The following VGLL4 variants were observed in gnomAD, a reference collection of about 807,000 sequenced individuals.
VGLL4 encodes vestigial like family member 4, also known as transcription cofactor vestigial-like protein 4.
VGLL4 carries 7 observed loss-of-function variants against 21.0 expected under a neutral mutation model. That is an observed-to-expected ratio of 0.33 (90% confidence interval 0.19 to 0.63). The LOEUF (loss-of-function observed/expected upper bound fraction) is 0.63, where lower values mean the gene tolerates loss of function less well. VGLL4 is among the 20% of genes least tolerant of loss of function. VGLL4 has a pLI of 0.78. For synonymous variants in VGLL4, 222 were observed against 173.2 expected, an observed-to-expected ratio of 1.28 and a Z score of -2.21; for missense variants, 394 against 425.7, an observed-to-expected ratio of 0.93 and a Z score of 0.66.
At chr3:11,659,847 G>C (rs556362038) in intron 2 of VGLL4, among the ~76,000 whole-genome samples, 1 of 152,012 alleles carries the variant, frequency 6.6e-6, no homozygotes, top group African/African-American at 2.4e-5. Flanking sequence ...CAAGAGTTCC[G>C]TAAACTGTAA....
intron 2 of VGLL4, among the ~76,000 whole-genome samples, chr3:11,584,490 T>C (rs753263472): frequency 6.0e-4 from 91 of 152,026 alleles, no homozygotes; most frequent in Non-Finnish European, 1.2e-3. Context: ...AACAGATCAG[T>C]AAACCATATA....
intron 2 of VGLL4, among the ~76,000 whole-genome samples, chr3:11,684,730 C>CTGTGTGTG (rs61220485): frequency 0.14 from 21,059 of 148,514 alleles, 1,701 homozygotes; most frequent in Non-Finnish European, 0.18. Flanking sequence ...CAACCTTTTT[C>CTGTGTGTG]TGTGTGTGTG....
At chr3:11,574,442 T>C (rs2073967793) in intron 2 of VGLL4, among the ~76,000 whole-genome samples, 1 of 152,066 alleles carries the variant, frequency 6.6e-6, no homozygotes. Flanking sequence ...GCAGGCCAAG[T>C]CAGCCCAGAC....
chr3:11,686,912 T>C (rs2076457671), intron 2 of VGLL4, among the ~76,000 whole-genome samples: 1 of 152,178 alleles, frequency 6.6e-6, no homozygotes, highest in Admixed American at 6.5e-5. Flanking sequence ...TAGAATAGGA[T>C]AGAAAACAGA....
chr3:11,721,306 ATATGCAAAGACAGGTATGCG>A (rs1465244205), upstream of VGLL4: 3 of 152,230 alleles, frequency 2.0e-5, no homozygotes, highest in Non-Finnish European at 4.4e-5. Flanking sequence ...CCCCTGTTGG[ATATGCAAAGACAGGTATGCG>A]TAGTTCCATG....
At chr3:11,665,274 T>G (rs917173916) in intron 2 of VGLL4, among the ~76,000 whole-genome samples, 1 of 151,496 alleles carries the variant, frequency 6.6e-6, no homozygotes, top group Non-Finnish European at 1.5e-5. Flanking sequence ...CCACCACGCC[T>G]GGCTAATTTT....
intron 1 of VGLL4, among the ~76,000 whole-genome samples, chr3:11,631,674 T>C (rs1009683991): frequency 1.3e-5 from 2 of 152,188 alleles, no homozygotes; most frequent in East Asian, 3.8e-4. Flanking sequence ...CTTGTATGTA[T>C]GAGAAACACT....
chr3:11,651,382 G>T (rs2075870671), intron 2 of VGLL4, among the ~76,000 whole-genome samples: 1 of 150,374 alleles, frequency 6.7e-6, no homozygotes, highest in South Asian at 2.1e-4. Flanking sequence ...AGGGTTTAAG[G>T]TAAAACCTAG....
chr3:11,639,356 G>A (rs1165165049), intron 1 of VGLL4, among the ~76,000 whole-genome samples: 2 of 152,256 alleles, frequency 1.3e-5, no homozygotes, highest in East Asian at 1.9e-4. Context: ...AGAGCAGCAC[G>A]AAGAGCACCT....
chr3:11,573,455 T>G (rs1156389262), intron 2 of VGLL4, among the ~76,000 whole-genome samples: 1 of 152,154 alleles, frequency 6.6e-6, no homozygotes, highest in East Asian at 1.9e-4. Context: ...GGACAGGGCT[T>G]CTGACATTCT....
At chr3:11,614,631 T>C (rs921920696) in intron 1 of VGLL4, among the ~76,000 whole-genome samples, 2 of 152,232 alleles carry the variant, frequency 1.3e-5, no homozygotes, top group African/African-American at 4.8e-5. Context: ...CGGAAATTCA[T>C]TAACTCACTG....
At chr3:11,561,683 T>A (rs1201608700) in intron 3 of VGLL4, among the ~76,000 whole-genome samples, 1 of 152,068 alleles carries the variant, frequency 6.6e-6, no homozygotes, top group African/African-American at 2.4e-5. Flanking sequence ...ACACCCTTAT[T>A]TTCCAGATGG....
chr3:11,647,162 C>T (rs370204094), upstream of VGLL4, among the ~76,000 whole-genome samples: 12 of 152,148 alleles, frequency 7.9e-5, no homozygotes, highest in East Asian at 7.7e-4. Context: ...AGGCTGGGAG[C>T]GCCTCCTGGA....
At position 11,557,031 on chromosome 3, in the gene VGLL4, CA is replaced by C. The variant is rs2072490257; in HGVS notation, c.*1524del. On this transcript the variant is annotated 3_prime_UTR_variant, in exon 5 of 5. Transcript: ENST00000430365. ...GGGGTCATACGGTGTGCAGAGTCCA[CA>C]AAGCCTTGCAGGTGAGGTGACCACG... The C allele has an allele frequency of 6.6e-6, 1 of 152,482 alleles. No homozygotes were observed. The highest frequency in any genetic ancestry group is 1.5e-5 in the Non-Finnish European group (1 of 68,052). The allele number at this position is 152,482 out of a possible 1,614,324, so 9.4% of individuals were successfully genotyped here. A position where few individuals can be genotyped will look rare whatever the true frequency, so the allele number is the denominator to read the frequency against.
At chr3:11,665,095 A>ATTTTTT (rs1559932541) in intron 2 of VGLL4, among the ~76,000 whole-genome samples, 2 of 78,422 alleles carry the variant, frequency 2.6e-5, no homozygotes, top group African/African-American at 9.9e-5. Flanking sequence ...CAATTTGAAT[A>ATTTTTT]TTTTTCTTTT....
At chr3:11,586,244 C>T (rs1682426876) in intron 2 of VGLL4, among the ~76,000 whole-genome samples, 1 of 152,182 alleles carries the variant, frequency 6.6e-6, no homozygotes, top group Non-Finnish European at 1.5e-5. Flanking sequence ...CAAATGTTAA[C>T]AACCGATGAA....
Position 11,643,912 on chromosome 3 carries a change from C to A in VGLL4, c.-394G>T, listed in dbSNP as rs1227048530. 4.9e-6 allele frequency: 5 copies of A among 1,013,712 alleles called. No individual in the cohort carries two copies. The highest frequency in any genetic ancestry group is 3.5e-5 in the African/African-American group (2 of 57,696). 62.8% of individuals were successfully genotyped at this position (1,013,712 alleles called of 1,614,324 possible). A position where few individuals can be genotyped will look rare whatever the true frequency, so the allele number is the denominator to read the frequency against. On this transcript the variant is annotated 5_prime_UTR_variant, in exon 1 of 5. Coordinates refer to ENST00000430365, the MANE Select transcript of VGLL4 (RefSeq NM_001128219.3). ...CAAGCCGGCAGCGCTGACATGAGGG[C>A]TATGCTTGGCATGACTCCTATGCCG...
rs566540377 is a variant in VGLL4 at position 11,578,659 on chromosome 3, A to G, written c.273-13640T>C. Among the ~76,000 whole-genome samples, 3 of 151,132 alleles carry G rather than the reference A, an allele frequency of 2.0e-5. No individual in the cohort carries two copies. The East Asian group carries it at 5.8e-4, about 29-fold the overall frequency. On this transcript the variant is annotated intron_variant, in intron 2 of 4. Transcript: ENST00000430365. ...CCCAAAACTATTGAGCTAAATTATT[A>G]TACACCCATTGAAAATTTGAGTATT...
At chr3:11,558,867 G>T in intron 4 of VGLL4, 40 bp from the exon 5 acceptor site, 1 of 1,599,480 alleles carries the variant, frequency 6.3e-7, no homozygotes, top group Non-Finnish European at 8.5e-7. Flanking sequence ...GACACAGGTG[G>T]CTGCAGACAG....
Sources: gnomAD v4.1 joint callset for allele counts (sites outside exome capture counted in the v4.1 genomes callset) on GRCh38, gnomAD v4.1.1 for gene constraint, MANE v1.5 for transcripts, NCBI Gene and HGNC (gene_info 2026-07-23, HGNC 2026-07-21) for gene names.